Variants in CPNE5 observed in about 807,000 individuals in gnomAD.
CPNE5 encodes copine 5.
CPNE5 carries 42 observed loss-of-function variants against 81.1 expected under a neutral mutation model. That is an observed-to-expected ratio of 0.52 (90% CI 0.40 to 0.67). CPNE5 has a LOEUF of 0.67. Ranked by LOEUF, CPNE5 falls within the 30% of genes least tolerant of loss-of-function variation. CPNE5 has a pLI of 0.00. For synonymous variants in CPNE5, 313 were observed against 321.5 expected (o/e 0.97, Z 0.28); for missense variants, 612 against 815.5 (o/e 0.75, Z 3.04).
intron 1 of CPNE5, among the ~76,000 whole-genome samples, chr6:36,824,638 G>A (rs535201128): frequency 1.3e-5 from 2 of 152,288 alleles, no homozygotes; most frequent in South Asian, 4.1e-4. Flanking sequence ...GTTGCTTCCC[G>A]AAAGCCAACT....
chr6:36,820,498 C>T (rs529457852), intron 3 of CPNE5, among the ~76,000 whole-genome samples: 38 of 152,062 alleles, frequency 2.5e-4, no homozygotes, highest in South Asian at 1.9e-3. Flanking sequence ...CGCACCACCA[C>T]GCCTGGCTAA....
chr6:36,765,293 A>G (rs3752482), intron 11 of CPNE5, 42 bp downstream of exon 11: 186,984 of 1,605,494 alleles, frequency 0.12, 11,428 homozygotes, highest in African/African-American at 0.18. Flanking sequence ...GGCTGTCCCC[A>G]TCCCCACTCA....
intron 10 of CPNE5, among the ~76,000 whole-genome samples, chr6:36,772,868 T>C (rs1030666584): frequency 1.2e-4 from 18 of 152,172 alleles, no homozygotes; most frequent in Middle Eastern, 3.4e-3. Flanking sequence ...TTTTTTTTTC[T>C]TGAGACAGCA....
intron 8 of CPNE5, among the ~76,000 whole-genome samples, chr6:36,783,896 G>A (rs771418164): frequency 1.3e-5 from 2 of 152,154 alleles, no homozygotes; most frequent in Admixed American, 6.5e-5. Context: ...AGCAAGAGGC[G>A]CTAAGATGGG....
rs1445817300 is a variant in CPNE5, at chr6:36,779,058, G to A, written c.529-101C>T. ...AGGAGTCCAGGCACCAGCCCTGGTT[G>A]GAATGCACCGACTAAGTGCCAGGCC... is the stretch of plus-strand genomic sequence containing the variant. On this transcript the variant is annotated intron_variant, in intron 8 of 20. Transcript: ENST00000244751. 3.9e-6 allele frequency: 3 copies of A among 767,056 alleles called. No homozygotes were observed. In the East Asian group the frequency reaches 7.5e-5, roughly 19 times the overall value. The allele number at this position is 767,056 out of a possible 1,614,324, so 47.5% of individuals were successfully genotyped here. A position where few individuals can be genotyped will look rare whatever the true frequency, so the allele number is the denominator to read the frequency against.
intron 1 of CPNE5, among the ~76,000 whole-genome samples, chr6:36,828,308 C>CAAAAAAAAA (rs11444450): frequency 1.3e-4 from 10 of 78,592 alleles, no homozygotes; most frequent in Non-Finnish European, 1.7e-4. Flanking sequence ...AACAACAAAC[C>CAAAAAAAAA]AAAAAAAAAA....
chr6:36,743,427 G>T (rs1180118796), intron 20 of CPNE5, among the ~76,000 whole-genome samples: 1 of 152,232 alleles, frequency 6.6e-6, no homozygotes, highest in African/African-American at 2.4e-5. Flanking sequence ...CTGAGGAAGG[G>T]CTGGCAGAGG....
chr6:36,756,427 G>A, intron 12 of CPNE5, 129 bp from the exon 13 acceptor site: 2 of 707,190 alleles, frequency 2.8e-6, no homozygotes, highest in South Asian at 1.7e-5. Flanking sequence ...GAAGACCACG[G>A]GGCCAGGGGA....
At chr6:36,829,215 G>A (rs1772774784) in intron 1 of CPNE5, among the ~76,000 whole-genome samples, 1 of 152,174 alleles carries the variant, frequency 6.6e-6, no homozygotes, top group African/African-American at 2.4e-5. Flanking sequence ...GGGAATCCTG[G>A]CTGGGCTTGG....
At chr6:36,762,226 T>G (rs867491060) in intron 12 of CPNE5, among the ~76,000 whole-genome samples, 1 of 21,428 alleles carries the variant, frequency 4.7e-5, no homozygotes, top group African/African-American at 1.9e-4. Flanking sequence ...AGGCCCTGTC[T>G]CAAAAAAAAA....
At chr6:36,835,472 G>T (rs917836444) in intron 1 of CPNE5, among the ~76,000 whole-genome samples, 2 of 152,156 alleles carry the variant, frequency 1.3e-5, no homozygotes, top group East Asian at 3.9e-4. Flanking sequence ...CAAACCATCT[G>T]CCCTACTCAC....
At chr6:36,745,209 C>G in intron 17 of CPNE5, 59 bp from the exon 18 acceptor site, 1 of 1,498,304 alleles carries the variant, frequency 6.7e-7, no homozygotes, top group Non-Finnish European at 9.2e-7. Context: ...ATGTTCCCCC[C>G]TAAACAAGGA....
intron 8 of CPNE5, among the ~76,000 whole-genome samples, chr6:36,780,139 AT>A (rs977326584): frequency 3.3e-5 from 5 of 151,798 alleles, no homozygotes; most frequent in African/African-American, 9.7e-5. Context: ...AATTTATTGT[AT>A]TTTTAGTAGA....
intron 7 of CPNE5, chr6:36,792,543 T>A: frequency 1.9e-6 from 1 of 517,704 alleles, no homozygotes; most frequent in Non-Finnish European, 3.5e-6. Flanking sequence ...CTCTGATGTG[T>A]CACGGGAGGG....
intron 8 of CPNE5, among the ~76,000 whole-genome samples, chr6:36,791,342 G>T (rs1344463522): frequency 6.6e-6 from 1 of 152,156 alleles, no homozygotes; most frequent in Non-Finnish European, 1.5e-5. Context: ...TTTAGTACCT[G>T]CCTCTTAGGA....
chr6:36,820,753 A>G (rs1347134577), intron 3 of CPNE5, among the ~76,000 whole-genome samples: 1 of 151,862 alleles, frequency 6.6e-6, no homozygotes, highest in Non-Finnish European at 1.5e-5. Flanking sequence ...CAGCCTGGAC[A>G]CATGCTGAGA....
At chr6:36,762,074 A>G (rs572055760) in intron 12 of CPNE5, among the ~76,000 whole-genome samples, 1 of 152,174 alleles carries the variant, frequency 6.6e-6, no homozygotes, top group South Asian at 2.1e-4. Context: ...AAACATAGCG[A>G]GATCCTGTCT....
intron 16 of CPNE5, 36 bp from the exon 17 acceptor site, chr6:36,745,551 A>G: frequency 6.3e-7 from 1 of 1,578,116 alleles, no homozygotes; most frequent in Non-Finnish European, 8.6e-7. Context: ...GAGCCCAGGA[A>G]GGAAGGACAG....
At chr6:36,778,185 A>G (rs139665090) in intron 9 of CPNE5, among the ~76,000 whole-genome samples, 2,251 of 152,308 alleles carry the variant, frequency 0.015, 45 homozygotes, top group African/African-American at 0.051. Context: ...CTGCTGGGGA[A>G]GACCTAGGTC....
Sources: allele counts gnomAD v4.1 joint callset (sites outside exome capture counted in the v4.1 genomes callset), GRCh38; gene constraint gnomAD v4.1.1; transcripts MANE v1.5; gene names NCBI Gene and HGNC (gene_info 2026-07-23, HGNC 2026-07-21).